The following ADAMTS2 variants were observed in gnomAD, a reference collection of about 807,000 sequenced individuals.
ADAMTS2 encodes the protein ADAM metallopeptidase with thrombospondin type 1 motif 2, also known as A disintegrin and metalloproteinase with thrombospondin motifs 2.
A neutral mutation model predicts 123.0 loss-of-function variants in ADAMTS2; 50 were observed. The observed-to-expected ratio is 0.41, with a 90% confidence interval of 0.32 to 0.51. The LOEUF is 0.51. ADAMTS2 is among the 20% of genes least tolerant of loss of function. ADAMTS2 has a pLI of 0.35. For synonymous variants in ADAMTS2, 678 were observed against 695.4 expected, an observed-to-expected ratio of 0.98 and a Z score of 0.39; for missense variants, 1,494 against 1,705.2, an observed-to-expected ratio of 0.88 and a Z score of 2.18.
rs187565768 is a variant in ADAMTS2 at position 179,211,344 on chromosome 5, C to T, written c.689-3629G>A. ...TTCCTTTCCTCTGTGTGCAGCCTTC[C>T]CCACAAGAAGGCACTGGGCCCCCTG... On this transcript the variant is annotated intron_variant, in intron 3 of 21. Transcript: ENST00000251582. Among the ~76,000 whole-genome samples the T allele has an allele frequency of 2.4e-4, 35 of 147,474 alleles. 1 individual carries two copies. The highest frequency in any genetic ancestry group is 8.8e-4 in the African/African-American group (35 of 39,692).
At chr5:179,305,875 T>C (rs913075007) in intron 2 of ADAMTS2, among the ~76,000 whole-genome samples, 4 of 152,128 alleles carry the variant, frequency 2.6e-5, no homozygotes, top group African/African-American at 9.7e-5. Flanking sequence ...TCCATCAGTG[T>C]TGAAGAAATG....
intron 3 of ADAMTS2, among the ~76,000 whole-genome samples, chr5:179,257,766 G>A (rs1425541650): frequency 6.6e-6 from 1 of 152,152 alleles, no homozygotes; most frequent in Non-Finnish European, 1.5e-5. Context: ...GGTCCTGAGC[G>A]CCGTGGGCTC....
chr5:179,122,863 G>A, intron 19 of ADAMTS2, 90 bp from the exon 20 acceptor site: 1 of 1,533,882 alleles, frequency 6.5e-7, no homozygotes, highest in Non-Finnish European at 8.8e-7. Context: ...CCAGGCACAT[G>A]ACCCATGCGC....
chr5:179,112,263 T>C lies in ADAMTS2; in HGVS notation c.*1604A>G, dbSNP rs1290964613. 2 of 152,146 alleles carry C rather than the reference T, an allele frequency of 1.3e-5. No homozygotes were observed. Among genetic ancestry groups the C allele is most frequent in the Admixed American group, 6.5e-5 (1 of 15,284 alleles). The allele number at this position is 152,146 out of a possible 1,614,324, so 9.4% of individuals were successfully genotyped here. A position where few individuals can be genotyped will look rare whatever the true frequency, so the allele number is the denominator to read the frequency against. ...GGTGAGAGTACACAGCCTCTAGAAG[T>C]TTCTTAAACAGGAAAGGTTTAAGAA... On this transcript the variant is annotated 3_prime_UTR_variant, in exon 22 of 22. Transcript: ENST00000251582.
chr5:179,272,899 C>T lies in ADAMTS2; in HGVS notation c.688+12G>A, dbSNP rs776818900. 1 of 1,606,962 alleles carries T rather than the reference C, an allele frequency of 6.2e-7. No individual in the cohort carries two copies. The highest frequency in any genetic ancestry group is 1.7e-5 in the Admixed American group (1 of 59,990). On this transcript the variant is annotated intron_variant, in intron 3 of 21. Coordinates refer to ENST00000251582, the MANE Select transcript of ADAMTS2 (RefSeq NM_014244.5). The surrounding 1 kb of genome is among the most constrained non-coding windows in gnomAD (Gnocchi z 5.8). ...GCTCTCCACACAGCCTGCCCACCTG[C>T]AGTAGCCTCACCTGTGTCCAGGGCC...
intron 2 of ADAMTS2, among the ~76,000 whole-genome samples, chr5:179,282,852 G>A (rs1477713637): frequency 6.6e-6 from 1 of 152,120 alleles, no homozygotes; most frequent in African/African-American, 2.4e-5. Flanking sequence ...GAGGCAGGCG[G>A]ATCACGAGGT....
intron 3 of ADAMTS2, among the ~76,000 whole-genome samples, chr5:179,259,629 G>A (rs772663979): frequency 1.3e-5 from 2 of 152,250 alleles, no homozygotes; most frequent in Non-Finnish European, 2.9e-5. Context: ...AAACAGGCCT[G>A]TGGCAGTCAC....
intron 3 of ADAMTS2, among the ~76,000 whole-genome samples, chr5:179,237,784 T>G (rs965657363): frequency 4.6e-5 from 7 of 152,176 alleles, no homozygotes; most frequent in Admixed American, 3.9e-4. Context: ...TTGGAGCATC[T>G]GTGTCCTCTG....
chr5:179,264,356 A>G (rs1581230167), intron 3 of ADAMTS2, among the ~76,000 whole-genome samples: 1 of 151,884 alleles, frequency 6.6e-6, no homozygotes, highest in South Asian at 2.1e-4. Flanking sequence ...CCCAAACTTC[A>G]CCCCAGCCAG....
In ADAMTS2 at chr5:179,315,083, C is replaced by G. The variant is rs1008335554; in HGVS notation, c.534+28684G>C. ...GGCCCCACCCCGGCCTCCTCCTCCC[C>G]CTGCCCCTGCATGGAGCAGGCCTCA... On this transcript the variant is annotated intron_variant, in intron 2 of 21. Coordinates refer to ENST00000251582, the MANE Select transcript of ADAMTS2 (RefSeq NM_014244.5). Among the ~76,000 whole-genome samples, 109 of 151,770 alleles carry G rather than the reference C, an allele frequency of 7.2e-4. 1 individual carries two copies. Among genetic ancestry groups the G allele is most frequent in the Admixed American group, 1.5e-3 (23 of 15,254 alleles).
At chr5:179,249,567 C>T (rs900013600) in intron 3 of ADAMTS2, among the ~76,000 whole-genome samples, 3 of 152,008 alleles carry the variant, frequency 2.0e-5, no homozygotes, top group African/African-American at 7.2e-5. Flanking sequence ...AAAGTGGGGA[C>T]ATTACTACCG....
At chr5:179,141,727 C>T (rs1396656777) in intron 10 of ADAMTS2, among the ~76,000 whole-genome samples, 1 of 152,180 alleles carries the variant, frequency 6.6e-6, no homozygotes, top group Non-Finnish European at 1.5e-5. Flanking sequence ...TCTGAGGCTA[C>T]AGTTTCATAC....
At chr5:179,116,010 G>A (rs897368112) in intron 21 of ADAMTS2, among the ~76,000 whole-genome samples, 2 of 151,916 alleles carry the variant, frequency 1.3e-5, no homozygotes, top group African/African-American at 4.8e-5. Flanking sequence ...CCTGCAGCGT[G>A]AGCTTAGGGC....
Position 179,181,135 on chromosome 5 carries a change from G to C in ADAMTS2, c.912C>G (p.Asp304Glu), listed in dbSNP as rs147197558. 2 of 1,613,784 alleles carry C rather than the reference G, an allele frequency of 1.2e-6. No homozygotes were observed. Among genetic ancestry groups the C allele is most frequent in the Non-Finnish European group, 1.7e-6 (2 of 1,179,772 alleles). Residue 304 changes from aspartate to glutamate, a missense_variant, in exon 5 of 22, where the codon GAC (aspartate) becomes GAG (glutamate). Around this residue, in one of 6 missense-constraint regions of ADAMTS2, gnomAD observed 70 missense variants for 85.3 expected, o/e 0.82. Coordinates refer to ENST00000251582, the MANE Select transcript of ADAMTS2 (RefSeq NM_014244.5). This position sits in a 1 kb window ranked among gnomAD's most constrained non-coding sequence, Gnocchi z 4.1. Reference sequence around the variant, plus strand: ...CGTTGATGTGGGCACCCAAGGACTCGTCATGGTAGATTTCATTGACCTGAA... The same window carrying C: ...CGTTGATGTGGGCACCCAAGGACTCCTCATGGTAGATTTCATTGACCTGAA... Reference protein sequence around the residue: ...LMNIVNEIYHDESLGAHINVV... With the variant: ...LMNIVNEIYHEESLGAHINVV...
intron 10 of ADAMTS2, among the ~76,000 whole-genome samples, chr5:179,147,838 G>C (rs1195265734): frequency 2.0e-5 from 3 of 152,178 alleles, no homozygotes; most frequent in Admixed American, 6.5e-5. Flanking sequence ...CACGGGAGGA[G>C]AATTGTATCA....
intron 4 of ADAMTS2, among the ~76,000 whole-genome samples, chr5:179,193,361 G>A (rs562074986): frequency 7.2e-5 from 11 of 152,174 alleles, no homozygotes; most frequent in Non-Finnish European, 1.6e-4. Flanking sequence ...CCCACACCCT[G>A]CGAGTGAGTG....
At chr5:179,139,371 G>C (rs1326131228) in intron 11 of ADAMTS2, among the ~76,000 whole-genome samples, 1 of 152,068 alleles carries the variant, frequency 6.6e-6, no homozygotes, top group African/African-American at 2.4e-5. Context: ...CAGGAGGACA[G>C]CACAGGGCAT....
chr5:179,137,238 G>A (rs1356664195), intron 12 of ADAMTS2, among the ~76,000 whole-genome samples: 1 of 152,220 alleles, frequency 6.6e-6, no homozygotes, highest in Non-Finnish European at 1.5e-5. Flanking sequence ...TGTGTTTACA[G>A]TCCGTCCCAG....
At chr5:179,215,600 T>G (rs1764963586) in intron 3 of ADAMTS2, among the ~76,000 whole-genome samples, 1 of 152,052 alleles carries the variant, frequency 6.6e-6, no homozygotes, top group African/African-American at 2.4e-5. Context: ...AAAAAAAATT[T>G]AAAGTCACAA....
Sources: allele counts gnomAD v4.1 joint callset (sites outside exome capture counted in the v4.1 genomes callset), GRCh38; gene constraint gnomAD v4.1.1; regional missense constraint gnomAD v4.1.1; non-coding constraint Gnocchi (gnomAD v3.1); transcripts MANE v1.5; gene names NCBI Gene and HGNC (gene_info 2026-07-23, HGNC 2026-07-21).